EPG5: variants seen among roughly 807,000 people sequenced by gnomAD.
EPG5 encodes the protein ectopic P-granules 5 autophagy tethering factor, also known as ectopic P granules protein 5 homolog.
In EPG5, 159 loss-of-function variants were observed where a neutral mutation model predicts 302.7. The ratio of observed to expected loss-of-function variants is 0.53; its 90% CI spans 0.46 to 0.60. The LOEUF is 0.60. EPG5 is among the 20% of genes least tolerant of loss of function. The pLI, the probability that EPG5 is intolerant of heterozygous loss-of-function variation, is 0.00. For synonymous variants in EPG5, 1,158 were observed against 1,136.8 expected, an observed-to-expected ratio of 1.02 and a Z score of -0.37; for missense variants, 2,896 against 3,092.4, an observed-to-expected ratio of 0.94 and a Z score of 1.51.
At chr18:45,951,681 ACTC>A (rs539857055) in intron 3 of EPG5, among the ~76,000 whole-genome samples, 120 of 151,420 alleles carry the variant, frequency 7.9e-4, no homozygotes, top group Middle Eastern at 6.8e-3. Flanking sequence ...CTGATCTTGA[ACTC>A]CTGACCTCAA....
chr18:45,805,938 C>A, the EPG5 span, among the ~76,000 whole-genome samples: 3 of 152,176 alleles, frequency 2.0e-5, no homozygotes, highest in African/African-American at 7.2e-5. Context: ...CTTCTCTCAG[C>A]ATTTGATAGA....
At position 45,851,752 on chromosome 18, in the gene EPG5, A is replaced by T. The variant is rs573732913; in HGVS notation, c.*715T>A. On this transcript the variant is annotated 3_prime_UTR_variant, in exon 44 of 44. Coordinates refer to ENST00000282041, the MANE Select transcript of EPG5 (RefSeq NM_020964.3). ...GCACTCCTCACCAAGTGGACCAAAC[A>T]AAACATCTGTGCAAAACATGCTCCT... 6.6e-6 allele frequency: 1 copy of T among 152,298 alleles called. No individual in the cohort carries two copies. The highest frequency in any genetic ancestry group is 6.5e-5 in the Admixed American group (1 of 15,278). The allele number at this position is 152,298 out of a possible 1,614,324, so 9.4% of individuals were successfully genotyped here. A position where few individuals can be genotyped will look rare whatever the true frequency, so the allele number is the denominator to read the frequency against.
At chr18:45,805,603 A>G in the EPG5 span, among the ~76,000 whole-genome samples, 1 of 152,140 alleles carries the variant, frequency 6.6e-6, no homozygotes, top group East Asian at 1.9e-4. Flanking sequence ...TGGCTTAAAA[A>G]CAAAAGTAAG....
At chr18:45,818,268 TG>T in the EPG5 span, among the ~76,000 whole-genome samples, 881 of 142,640 alleles carry the variant, frequency 6.2e-3, 7 homozygotes, top group African/African-American at 0.022. Flanking sequence ...TTTTTTTTTT[TG>T]TTTTCCTTTA....
intron 1 of EPG5, among the ~76,000 whole-genome samples, chr18:45,961,017 T>C (rs939991762): frequency 1.3e-5 from 2 of 152,108 alleles, no homozygotes; most frequent in Non-Finnish European, 2.9e-5. Context: ...CACCCACAGC[T>C]TTCTCCTTCT....
chr18:45,876,931 C>T (rs925590492), intron 34 of EPG5, among the ~76,000 whole-genome samples: 9 of 152,030 alleles, frequency 5.9e-5, no homozygotes, highest in African/African-American at 9.7e-5. Flanking sequence ...TTGCAGGCAC[C>T]GACCACCACA....
downstream of EPG5, among the ~76,000 whole-genome samples, chr18:45,844,336 T>C (rs2048348828): frequency 6.6e-6 from 1 of 152,020 alleles, no homozygotes; most frequent in African/African-American, 2.4e-5. Flanking sequence ...ACGAATAAGA[T>C]CTAGTATTTG....
At chr18:45,934,221 G>A (rs1021514934) in intron 11 of EPG5, among the ~76,000 whole-genome samples, 1 of 152,024 alleles carries the variant, frequency 6.6e-6, no homozygotes, top group African/African-American at 2.4e-5. Flanking sequence ...CCCAGGAGGT[G>A]GAGGTTGCAG....
At chr18:45,881,081 A>G (rs2049089384) in intron 31 of EPG5, among the ~76,000 whole-genome samples, 1 of 152,208 alleles carries the variant, frequency 6.6e-6, no homozygotes, top group Admixed American at 6.5e-5. Flanking sequence ...GGATGCTCCC[A>G]AGGGAACATC....
At chr18:45,839,044 G>T in the EPG5 span, 1 of 1,545,224 alleles carries the variant, frequency 6.5e-7, no homozygotes. Context: ...CGGCTTCAAG[G>T]CGCTGCTGCT....
chr18:45,869,767 A>C (rs959666683), intron 36 of EPG5, among the ~76,000 whole-genome samples: 5 of 152,186 alleles, frequency 3.3e-5, no homozygotes, highest in African/African-American at 1.2e-4. Flanking sequence ...GCACTAAAAA[A>C]GTTAAGTATA....
chr18:45,882,250 T>C (rs1455382482), intron 31 of EPG5, 24 bp downstream of exon 31: 2 of 1,560,138 alleles, frequency 1.3e-6, no homozygotes, highest in Non-Finnish European at 1.8e-6. Flanking sequence ...ATCTAGTTAG[T>C]TACAATTAAA....
At chr18:45,832,814 C>T in the EPG5 span, among the ~76,000 whole-genome samples, 1 of 152,184 alleles carries the variant, frequency 6.6e-6, no homozygotes, top group Non-Finnish European at 1.5e-5. Context: ...TGTATTCTAG[C>T]CAAAGCAAGC....
intron 7 of EPG5, among the ~76,000 whole-genome samples, chr18:45,945,239 T>G (rs1288238867): frequency 6.6e-6 from 1 of 152,220 alleles, no homozygotes; most frequent in Admixed American, 6.5e-5. Context: ...AGGCAGTAGT[T>G]CTCAACTTAG....
At chr18:45,812,795 A>G in the EPG5 span, among the ~76,000 whole-genome samples, 73 of 152,410 alleles carry the variant, frequency 4.8e-4, no homozygotes, top group African/African-American at 1.6e-3. Context: ...CATAAAAGTT[A>G]GACCTAAAAC....
intron 16 of EPG5, among the ~76,000 whole-genome samples, chr18:45,921,475 G>C (rs1209809518): frequency 6.6e-6 from 1 of 152,224 alleles, no homozygotes; most frequent in Non-Finnish European, 1.5e-5. Flanking sequence ...TACTGCACCA[G>C]ATATAGTCTT....
chr18:45,838,510 A>G, the EPG5 span: 1 of 699,996 alleles, frequency 1.4e-6, no homozygotes, highest in South Asian at 2.2e-5. Flanking sequence ...GGCAACTGCT[A>G]TCATGATCCT....
chr18:45,825,553 G>A, the EPG5 span: 1 of 623,940 alleles, frequency 1.6e-6, no homozygotes, highest in Non-Finnish European at 2.9e-6. Flanking sequence ...CAGACCTCAG[G>A]CTGCCAGGCT....
chr18:45,865,802 C>T lies in EPG5; in HGVS notation c.6622-43G>A, dbSNP rs756827107. 4.4e-6 allele frequency: 7 copies of T among 1,586,630 alleles called. 1 individual carries two copies. In the South Asian group the frequency reaches 6.8e-5, roughly 15 times the overall value. ...AAAAAATCATTCAAATGAATCCAAG[C>T]AAGGAGTGTTAACTGCATATTTCCT... On this transcript the variant is annotated intron_variant, in intron 38 of 43. Transcript: ENST00000282041.
Sources: gnomAD v4.1 joint callset for allele counts (sites outside exome capture counted in the v4.1 genomes callset) on GRCh38, gnomAD v4.1.1 for gene constraint, MANE v1.5 for transcripts, NCBI Gene and HGNC (gene_info 2026-07-23, HGNC 2026-07-21) for gene names.